ARSB: variants seen among roughly 807,000 people sequenced by gnomAD.
ARSB encodes arylsulfatase B.
A neutral mutation model predicts 50.9 loss-of-function variants in ARSB; 41 were observed. The ratio of observed to expected loss-of-function variants is 0.81; its 90% confidence interval spans 0.63 to 1.04. The LOEUF (loss-of-function observed/expected upper bound fraction) is 1.04. ARSB is among the 50% of genes least tolerant of loss of function. ARSB has a pLI of 0.00. For synonymous variants in ARSB, 269 were observed against 284.8 expected (o/e 0.94, Z 0.56); for missense variants, 672 against 693.3 (o/e 0.97, Z 0.35).
At chr5:78,944,269 C>G (rs1751097647) in intron 4 of ARSB, among the ~76,000 whole-genome samples, 1 of 152,244 alleles carries the variant, frequency 6.6e-6, no homozygotes, top group African/African-American at 2.4e-5. Flanking sequence ...AAGCCTTCTT[C>G]TCTCAACTCA....
intron 4 of ARSB, among the ~76,000 whole-genome samples, chr5:78,895,059 A>G (rs1396146733): frequency 1.3e-5 from 2 of 152,174 alleles, no homozygotes; most frequent in African/African-American, 4.8e-5. Context: ...AAACAAACAA[A>G]CAAATCAAAA....
intron 5 of ARSB, among the ~76,000 whole-genome samples, chr5:78,849,104 C>T (rs998337973): frequency 4.6e-5 from 7 of 152,066 alleles, no homozygotes; most frequent in Admixed American, 4.6e-4. Flanking sequence ...TTTTTGTTGC[C>T]ATTGCTTTTG....
At chr5:78,784,387 C>T (rs1302535077) in intron 6 of ARSB, among the ~76,000 whole-genome samples, 3 of 152,098 alleles carry the variant, frequency 2.0e-5, no homozygotes, top group Non-Finnish European at 4.4e-5. Context: ...TATTGCAACA[C>T]TATTTATAAT....
intron 6 of ARSB, among the ~76,000 whole-genome samples, chr5:78,796,826 G>A (rs1286197095): frequency 1.4e-5 from 2 of 147,254 alleles, no homozygotes; most frequent in Non-Finnish European, 3.0e-5. Flanking sequence ...GCTAATTTTT[G>A]TATTTTTAGT....
chr5:78,946,501 T>A (rs1751239357), intron 4 of ARSB, among the ~76,000 whole-genome samples: 1 of 152,116 alleles, frequency 6.6e-6, no homozygotes, highest in African/African-American at 2.4e-5. Context: ...AAGAAAGTTA[T>A]CCCTTTTACA....
chr5:78,851,221 A>G (rs1215150247), intron 5 of ARSB, among the ~76,000 whole-genome samples: 1 of 151,798 alleles, frequency 6.6e-6, no homozygotes, highest in Non-Finnish European at 1.5e-5. Flanking sequence ...CCCACTACAC[A>G]CTGCTTTGAA....
intron 5 of ARSB, among the ~76,000 whole-genome samples, chr5:78,855,672 G>T (rs1241811657): frequency 6.6e-6 from 1 of 152,198 alleles, no homozygotes; most frequent in African/African-American, 2.4e-5. Flanking sequence ...GGGAAGCACG[G>T]ACATGTGGAC....
chr5:78,977,159 A>C (rs638073), intron 1 of ARSB, among the ~76,000 whole-genome samples: 114,030 of 149,936 alleles, frequency 0.76, 43,893 homozygotes, highest in Non-Finnish European at 0.81. Flanking sequence ...TTCTTTCCCC[A>C]CTTCCCCCCC....
chr5:78,937,108 T>G (rs1303789337), intron 4 of ARSB, among the ~76,000 whole-genome samples: 1 of 151,936 alleles, frequency 6.6e-6, no homozygotes, highest in African/African-American at 2.4e-5. Context: ...CAGTGAGTTC[T>G]GAGAGGAGCA....
At chr5:78,859,234 G>A (rs1430780703) in intron 5 of ARSB, among the ~76,000 whole-genome samples, 3 of 152,130 alleles carry the variant, frequency 2.0e-5, no homozygotes, top group Admixed American at 2.0e-4. Context: ...GAAATTCAGT[G>A]AGGAAATATG....
intron 3 of ARSB, among the ~76,000 whole-genome samples, chr5:78,963,352 C>T (rs1752077978): frequency 6.6e-6 from 1 of 152,226 alleles, no homozygotes; most frequent in African/African-American, 2.4e-5. Flanking sequence ...TACCCAGCCT[C>T]AGCTATTCCT....
chr5:78,800,156 A>G (rs1743330857), intron 6 of ARSB, among the ~76,000 whole-genome samples: 1 of 151,948 alleles, frequency 6.6e-6, no homozygotes, highest in Non-Finnish European at 1.5e-5. Context: ...CATTTCTACT[A>G]AAAATACAAA....
At chr5:78,964,718 A>G in intron 2 of ARSB, 112 bp from the exon 3 acceptor site, 1 of 1,004,736 alleles carries the variant, frequency 1.0e-6, no homozygotes, top group Non-Finnish European at 1.5e-6. Flanking sequence ...GAGGCTAATC[A>G]AATGACAAGG....
rs1425478943 is a variant in ARSB at position 78,869,178 on chromosome 5, C to A, written c.1142+16406G>T. On this transcript the variant is annotated intron_variant, in intron 5 of 7. Coordinates refer to ENST00000264914, the MANE Select transcript of ARSB (RefSeq NM_000046.5). The stretch of plus-strand genomic sequence containing the variant: ...ATTCATAAAGCAAGTCCTGAGTGAC[C>A]TACAAAGAGACTTAGACTCCCACAC... 2.3e-5 allele frequency among the ~76,000 whole-genome samples: 3 copies of A among 130,578 alleles called. No homozygotes were observed. The East Asian group carries it at 6.1e-4, about 26-fold the overall frequency. 85.7% of individuals were successfully genotyped at this position (130,578 alleles called of 152,430 possible). A position where few individuals can be genotyped will look rare whatever the true frequency, so the allele number is the denominator to read the frequency against.
rs887222221 is a variant in ARSB at position 78,868,497 on chromosome 5, G to A, written c.1142+17087C>T. Among the ~76,000 whole-genome samples, 39 of 124,374 alleles carry A rather than the reference G, an allele frequency of 3.1e-4. 1 individual carries two copies. Among genetic ancestry groups the A allele is most frequent in the African/African-American group, 1.2e-3 (39 of 33,034 alleles). 81.6% of individuals were successfully genotyped at this position (124,374 alleles called of 152,430 possible). The stretch of plus-strand genomic sequence containing the variant: ...AACCCTACAAGCCAGAGGAGAGTGG[G>A]GGCCAATATTCAACATTCTTAAAGA... On this transcript the variant is annotated intron_variant, in intron 5 of 7. Transcript: ENST00000264914.
intron 6 of ARSB, among the ~76,000 whole-genome samples, chr5:78,831,736 G>A (rs1253779156): frequency 6.6e-6 from 1 of 152,112 alleles, no homozygotes; most frequent in African/African-American, 2.4e-5. Flanking sequence ...AACTGCCAAG[G>A]GGCCCTTAGC....
intron 4 of ARSB, among the ~76,000 whole-genome samples, chr5:78,915,775 G>T (rs141617117): frequency 6.6e-6 from 1 of 152,184 alleles, no homozygotes; most frequent in African/African-American, 2.4e-5. Context: ...TATACACATA[G>T]CCTGAAGGTA....
intron 4 of ARSB, among the ~76,000 whole-genome samples, chr5:78,951,899 A>G (rs1015050187): frequency 6.6e-6 from 1 of 152,212 alleles, no homozygotes; most frequent in African/African-American, 2.4e-5. Context: ...AGCACAACCA[A>G]GACAACAAAA....
At chr5:78,955,719 C>A (rs1751694529) in intron 3 of ARSB, among the ~76,000 whole-genome samples, 1 of 152,058 alleles carries the variant, frequency 6.6e-6, no homozygotes, top group African/African-American at 2.4e-5. Context: ...ACAAAATGGG[C>A]AAAGAATCTG....
Sources: gnomAD v4.1 joint callset for allele counts (sites outside exome capture counted in the v4.1 genomes callset) on GRCh38, gnomAD v4.1.1 for gene constraint, MANE v1.5 for transcripts, NCBI Gene and HGNC (gene_info 2026-07-23, HGNC 2026-07-21) for gene names.